Variants in KLF16 observed in about 807,000 individuals in gnomAD.
KLF16 encodes the protein KLF transcription factor 16, also known as Krueppel-like factor 16.
Under a neutral mutation model 6.1 loss-of-function variants are expected in KLF16, and 6 were observed. The observed-to-expected ratio is 0.98, with a 90% CI of 0.54 to 1.93. KLF16 has a LOEUF of 1.93. Among genes scored for constraint, KLF16 ranks in the 30% most tolerant of loss-of-function variants. KLF16 has a pLI of 0.01. For missense variants in KLF16, 355 were observed against 363.8 expected (o/e 0.98, Z 0.20); for synonymous variants, 211 against 176.5 (o/e 1.20, Z -1.55).
chr19:1,861,684 G>C (rs1051178432), intron 1 of KLF16: 4 of 152,238 alleles, frequency 2.6e-5, no homozygotes, highest in African/African-American at 9.7e-5. Context: ...CTGAGCGAGG[G>C]GTGAAAAGAG....
At chr19:1,864,837 C>G (rs925418292), upstream of KLF16, among the ~76,000 whole-genome samples, 7 of 152,206 alleles carry the variant, frequency 4.6e-5, no homozygotes, top group East Asian at 1.2e-3. Context: ...GGCGGCCCCC[C>G]TCGGTCGCGA....
At chr19:1,873,322 G>A in the KLF16 span, among the ~76,000 whole-genome samples, 1 of 152,314 alleles carries the variant, frequency 6.6e-6, no homozygotes, top group African/African-American at 2.4e-5. Context: ...AGGGTGCACA[G>A]CCCTGGGCAC....
chr19:1,864,196 G>A (rs1032337120), upstream of KLF16, among the ~76,000 whole-genome samples: 3 of 151,696 alleles, frequency 2.0e-5, no homozygotes, highest in Non-Finnish European at 2.9e-5. Flanking sequence ...CCCCGTTCGC[G>A]ATGGAGGAGG....
At chr19:1,873,057 G>A in the KLF16 span, among the ~76,000 whole-genome samples, 1 of 152,142 alleles carries the variant, frequency 6.6e-6, no homozygotes, top group East Asian at 1.9e-4. Context: ...TCAGGTCACG[G>A]CCACCACAGG....
At chr19:1,858,514 G>A (rs1197542134) in intron 1 of KLF16, among the ~76,000 whole-genome samples, 5 of 152,162 alleles carry the variant, frequency 3.3e-5, no homozygotes, top group Non-Finnish European at 1.5e-5. Flanking sequence ...TTGACGGCTG[G>A]GTCCCCGGCA....
chr19:1,865,901 C>T (rs1320347780), upstream of KLF16, among the ~76,000 whole-genome samples: 2 of 152,226 alleles, frequency 1.3e-5, no homozygotes. Context: ...CGGTGGCTCA[C>T]GCCTGGAATG....
At chr19:1,874,145 T>C in the KLF16 span, among the ~76,000 whole-genome samples, 2 of 152,168 alleles carry the variant, frequency 1.3e-5, no homozygotes, top group Admixed American at 1.3e-4. Context: ...GTTTGATCTG[T>C]AAATCTAAGA....
the KLF16 span, chr19:1,874,786 C>T: frequency 1.7e-5 from 2 of 120,852 alleles, no homozygotes; most frequent in Non-Finnish European, 3.3e-5. Flanking sequence ...AACACTTCTA[C>T]TAGACAGAAA....
chr19:1,854,678 C>T lies in KLF16; in HGVS notation c.540G>A (p.Thr180=), dbSNP rs777423812. The T allele has an allele frequency of 3.7e-6, 6 of 1,600,478 alleles. No individual in the cohort carries two copies. The highest frequency in any genetic ancestry group is 1.7e-4 in the Middle Eastern group (1 of 6,052). Residue 180 remains threonine, a synonymous_variant, in exon 2 of 2, where the codon ACG becomes ACA. Coordinates refer to ENST00000250916, the MANE Select transcript of KLF16 (RefSeq NM_031918.4). ...AGGAGAAGCGCTTCTCGCCCGTGTGCGTCCGGTGGTGGCGGGCCAGCTCGT... is the reference window on the plus strand; with the variant it reads ...AGGAGAAGCGCTTCTCGCCCGTGTGTGTCCGGTGGTGGCGGGCCAGCTCGT... ...RSDELARHHR[T]HTGEKRFSCP... is the part of the protein sequence containing the mutation.
the KLF16 span, among the ~76,000 whole-genome samples, chr19:1,872,836 G>A: frequency 6.6e-6 from 1 of 151,006 alleles, no homozygotes; most frequent in African/African-American, 2.4e-5. Flanking sequence ...GCCCGTGGCC[G>A]GAGCCCGGAA....
rs551833534 is a variant in KLF16, at chr19:1,857,703, C to T, written c.458-2943G>A. 2.6e-5 allele frequency among the ~76,000 whole-genome samples: 4 copies of T among 152,044 alleles called. No individual in the cohort carries two copies. Among genetic ancestry groups the T allele is most frequent in the African/African-American group, 9.6e-5 (4 of 41,462 alleles). Reference sequence around the variant, plus strand: ...GGCTGTGGCCGGCTGCCTGCCGGGGCACTCACGTCCACCTAACAGGTGGGG... The same window carrying T: ...GGCTGTGGCCGGCTGCCTGCCGGGGTACTCACGTCCACCTAACAGGTGGGG... On this transcript the variant is annotated intron_variant, in intron 1 of 1. Coordinates refer to ENST00000250916, the MANE Select transcript of KLF16 (RefSeq NM_031918.4). The surrounding 1 kb of genome is among the most constrained non-coding windows in gnomAD (Gnocchi z 4.7).
rs1351718379 is a variant in KLF16, at chr19:1,854,563, G to A, written c.655C>T (p.Arg219Cys). Residue 219 changes from arginine to cysteine, a missense_variant, in exon 2 of 2, where the codon CGC becomes TGC. Arg to Cys is a radical substitution (Grantham distance 180, BLOSUM62 -3). Transcript: ENST00000250916. ...GGGGAGGTACTGCGGGCACCAGGGC[G>A]CCGGAGCAGGTCCGGGTGGAAGCCG... Reference protein sequence around the residue: ...HPGFHPDLLRRPGARSTSPSD... With the variant: ...HPGFHPDLLRCPGARSTSPSD... 10 of 1,575,306 alleles carry A rather than the reference G, an allele frequency of 6.3e-6. No individual in the cohort carries two copies. The highest frequency in any genetic ancestry group is 2.3e-5 in the South Asian group (2 of 88,766).
chr19:1,860,775 G>A (rs1208627297), intron 1 of KLF16, among the ~76,000 whole-genome samples: 1 of 152,228 alleles, frequency 6.6e-6, no homozygotes, highest in African/African-American at 2.4e-5. Context: ...ACTAAAAGAG[G>A]CCGTTTACAC....
At chr19:1,865,555 C>A (rs139188316), upstream of KLF16, among the ~76,000 whole-genome samples, 22 of 152,346 alleles carry the variant, frequency 1.4e-4, no homozygotes, top group African/African-American at 5.0e-4. Context: ...CGATGGGGGG[C>A]AGGGGTGAGC....
upstream of KLF16, chr19:1,863,585 AGGC>A (rs1407751575): frequency 3.6e-4 from 184 of 515,980 alleles, no homozygotes; most frequent in African/African-American, 4.3e-3. Flanking sequence ...CGAGTGCGGG[AGGC>A]GGAGGAGGAG....
At chr19:1,865,496 C>CCA (rs1346469592), upstream of KLF16, among the ~76,000 whole-genome samples, 3 of 152,244 alleles carry the variant, frequency 2.0e-5, no homozygotes, top group Non-Finnish European at 4.4e-5. Context: ...TAGAGCAGAA[C>CCA]CAACCAGCCC....
chr19:1,854,396 GTCC>G lies in KLF16; in HGVS notation c.*60_*62del. 3.6e-6 allele frequency: 5 copies of G among 1,370,426 alleles called. No homozygotes were observed. Among genetic ancestry groups the G allele is most frequent in the Non-Finnish European group, 4.7e-6 (5 of 1,069,944 alleles). 84.9% of individuals were successfully genotyped at this position (1,370,426 alleles called of 1,614,324 possible). ...TGGAAGGGGCCCAGGCTCCCCGTGG[GTCC>G]TCACTACACCCCTGGATGGCAGAAG... On this transcript the variant is annotated 3_prime_UTR_variant, in exon 2 of 2. Coordinates refer to ENST00000250916, the MANE Select transcript of KLF16 (RefSeq NM_031918.4).
Position 1,857,958 on chromosome 19 carries a change from G to A in KLF16, c.458-3198C>T, listed in dbSNP as rs1288278222. Among the ~76,000 whole-genome samples, 2 of 151,962 alleles carry A rather than the reference G, an allele frequency of 1.3e-5. No homozygotes were observed. The highest frequency in any genetic ancestry group is 2.9e-5 in the Non-Finnish European group (2 of 67,948). On this transcript the variant is annotated intron_variant, in intron 1 of 1. Coordinates refer to ENST00000250916, the MANE Select transcript of KLF16 (RefSeq NM_031918.4). The surrounding 1 kb of genome is among the most constrained non-coding windows in gnomAD (Gnocchi z 4.7). ...TGGTGGTGAGGCCCTGCCAGCCTGG[G>A]GGTGGGGTCTCGAATACTACTGGGC... is the stretch of plus-strand genomic sequence containing the variant.
upstream of KLF16, among the ~76,000 whole-genome samples, chr19:1,867,088 G>A (rs563821808): frequency 3.3e-5 from 5 of 152,322 alleles, no homozygotes; most frequent in East Asian, 1.9e-4. Context: ...AGGTGTTGCT[G>A]GGAGTGGGTC....
Sources: gnomAD v4.1 joint callset for allele counts (sites outside exome capture counted in the v4.1 genomes callset) on GRCh38, gnomAD v4.1.1 for gene constraint, Gnocchi (gnomAD v3.1) non-coding constraint, MANE v1.5 for transcripts, NCBI Gene and HGNC (gene_info 2026-07-23, HGNC 2026-07-21) for gene names.